Variants in SLC9A8 observed in about 807,000 individuals in gnomAD.
SLC9A8 encodes solute carrier family 9 member A8.
A neutral mutation model predicts 66.6 loss-of-function variants in SLC9A8; 48 were observed. That is an observed-to-expected ratio of 0.72 (90% CI 0.57 to 0.92). The LOEUF (loss-of-function observed/expected upper bound fraction) is 0.92, where lower values mean the gene tolerates loss of function less well. Ranked by LOEUF, SLC9A8 falls within the 40% of genes least tolerant of loss-of-function variation. The pLI, the probability that SLC9A8 is intolerant of heterozygous loss-of-function variation, is 0.00. For missense variants in SLC9A8, 599 were observed against 747.3 expected (o/e 0.80, Z 2.31); for synonymous variants, 274 against 282.6 (o/e 0.97, Z 0.31).
chr20:49,883,616 G>T (rs76003792), intron 13 of SLC9A8, among the ~76,000 whole-genome samples: 1,612 of 152,332 alleles, frequency 0.011, 74 homozygotes, highest in East Asian at 0.076. Flanking sequence ...AGCTGGGGCA[G>T]GCCATCTCAT....
intron 5 of SLC9A8, 80 bp downstream of exon 5, chr20:49,845,199 A>G (rs1429643229): frequency 9.7e-7 from 1 of 1,027,432 alleles, no homozygotes; most frequent in Non-Finnish European, 1.5e-6. Flanking sequence ...AAGCTTGGGT[A>G]TAATTTAGCA....
chr20:49,814,133 G>C (rs962348489), intron 1 of SLC9A8, among the ~76,000 whole-genome samples: 1 of 152,128 alleles, frequency 6.6e-6, no homozygotes, highest in East Asian at 1.9e-4. Context: ...CTCCATCCCA[G>C]ACACTAAACA....
intron 12 of SLC9A8, among the ~76,000 whole-genome samples, 182 bp downstream of exon 12, chr20:49,878,245 G>A (rs991740629): frequency 6.6e-6 from 1 of 151,794 alleles, no homozygotes; most frequent in Non-Finnish European, 1.5e-5. Flanking sequence ...GGGGGCAGGG[G>A]TAGAATTAAG....
In SLC9A8 at chr20:49,823,019, G is replaced by A. The variant is rs771132571; in HGVS notation, c.209-42G>A. 5.3e-6 allele frequency: 8 copies of A among 1,495,668 alleles called. No homozygotes were observed. In the South Asian group the frequency reaches 6.8e-5, roughly 13 times the overall value. The allele number at this position is 1,495,668 out of a possible 1,614,324, so 92.6% of individuals were successfully genotyped here. On this transcript the variant is annotated intron_variant, in intron 2 of 15. Transcript: ENST00000361573. ...AACTTGGTGTTTATCATTCAGAATTGAGTGTTTTTTTTAAAACATTGTATT... is the reference window on the plus strand; with the variant it reads ...AACTTGGTGTTTATCATTCAGAATTAAGTGTTTTTTTTAAAACATTGTATT...
rs968309267 is a variant in SLC9A8 at position 49,837,832 on chromosome 20, G to C, written c.290-1709G>C. On this transcript the variant is annotated intron_variant, in intron 3 of 15. Coordinates refer to ENST00000361573, the MANE Select transcript of SLC9A8 (RefSeq NM_015266.3). ...CATCTGCCCGCTTCAGCCTCCTAAC[G>C]TGCTGGGATTACAGGCATGAGCCAC... 2.0e-5 allele frequency among the ~76,000 whole-genome samples: 3 copies of C among 152,212 alleles called. No individual in the cohort carries two copies. In the East Asian group the frequency reaches 5.8e-4, roughly 29 times the overall value.
intron 3 of SLC9A8, among the ~76,000 whole-genome samples, chr20:49,834,356 A>ATATATATACTGTG (rs1350782103): frequency 1.5e-5 from 1 of 66,600 alleles, no homozygotes; most frequent in Non-Finnish European, 3.4e-5. Context: ...TACTGTATAT[A>ATATATATACTGTG]TATATATACT....
intron 8 of SLC9A8, among the ~76,000 whole-genome samples, chr20:49,856,753 C>G (rs1364828343): frequency 7.1e-6 from 1 of 141,838 alleles, no homozygotes. Flanking sequence ...ACCTGGGAGG[C>G]GGAGGTTGCA....
At position 49,834,889 on chromosome 20, in the gene SLC9A8, A is replaced by T. The variant is rs373285718; in HGVS notation, c.290-4652A>T. On this transcript the variant is annotated intron_variant, in intron 3 of 15. Coordinates refer to ENST00000361573, the MANE Select transcript of SLC9A8 (RefSeq NM_015266.3). The stretch of plus-strand genomic sequence containing the variant: ...GAAAAACACTAAGCTTTAAAAATGA[A>T]GCCTGAAACCATGGAAAGAGGTTTA... Among the ~76,000 whole-genome samples, 39 of 152,354 alleles carry T rather than the reference A, an allele frequency of 2.6e-4. 2 individuals are homozygous for T. In the South Asian group the frequency reaches 7.9e-3, roughly 31 times the overall value.
At chr20:49,872,914 AT>A (rs1007136476) in intron 10 of SLC9A8, among the ~76,000 whole-genome samples, 1 of 152,134 alleles carries the variant, frequency 6.6e-6, no homozygotes, top group African/African-American at 2.4e-5. Context: ...TTATTTGATG[AT>A]TTTTTAAGAC....
At chr20:49,837,846 G>A (rs2087600631) in intron 3 of SLC9A8, among the ~76,000 whole-genome samples, 2 of 152,134 alleles carry the variant, frequency 1.3e-5, no homozygotes, top group South Asian at 4.1e-4. Context: ...TGGGATTACA[G>A]GCATGAGCCA....
chr20:49,815,131 G>C lies in SLC9A8; in HGVS notation c.150G>C (p.Gln50His). ...KPILPVQTGE[Q>H]AQQEEQSSGM... Reference sequence around the variant, plus strand: ...TCCTCCCCGTGCAGACAGGGGAGCAGGCCCAGCAAGAGGAGCAGTCCAGCG... The same window carrying C: ...TCCTCCCCGTGCAGACAGGGGAGCACGCCCAGCAAGAGGAGCAGTCCAGCG... Residue 50 changes from glutamine to histidine, a missense_variant, in exon 2 of 16, where the codon CAG becomes CAC. Coordinates refer to ENST00000361573, the MANE Select transcript of SLC9A8 (RefSeq NM_015266.3). The C allele has an allele frequency of 1.2e-6, 2 of 1,606,946 alleles. No homozygotes were observed. Among genetic ancestry groups the C allele is most frequent in the Non-Finnish European group, 1.7e-6 (2 of 1,176,884 alleles).
At chr20:49,818,193 A>G (rs2086623439) in intron 2 of SLC9A8, among the ~76,000 whole-genome samples, 1 of 152,204 alleles carries the variant, frequency 6.6e-6, no homozygotes, top group East Asian at 1.9e-4. Flanking sequence ...AATCCTGCCC[A>G]GTGTTAATAC....
Position 49,886,898 on chromosome 20 carries a change from G to C in SLC9A8, c.1638G>C (p.Glu546Asp), listed in dbSNP as rs377040159. The change falls in exon 15 of 16, where the codon GAG (glutamate) becomes GAC (aspartate). Residue 546 changes from glutamate (E) to aspartate (D), a missense_variant and splice_region_variant. This residue lies in a region of SLC9A8 where 467 missense variants were observed against 626.5 expected (regional missense o/e 0.75). Coordinates refer to ENST00000361573, the MANE Select transcript of SLC9A8 (RefSeq NM_015266.3). The surrounding 1 kb of genome is among the most constrained non-coding windows in gnomAD (Gnocchi z 4.8). Reference sequence around the variant, plus strand: ...TCTTCACTCGGAGGCTGACGCAGGAGGTGGGATACCGGCCAGGCCACACTT... The same window carrying C: ...TCTTCACTCGGAGGCTGACGCAGGACGTGGGATACCGGCCAGGCCACACTT... The part of the protein sequence containing the change: ...NPFFTRRLTQ[E>D]DLHHGRIQMK... 6.2e-7 allele frequency: 1 copy of C among 1,613,460 alleles called. No individual in the cohort carries two copies. Among genetic ancestry groups the C allele is most frequent in the East Asian group, 2.2e-5 (1 of 44,856 alleles).
intron 4 of SLC9A8, among the ~76,000 whole-genome samples, chr20:49,843,154 CTATA>C (rs964293149): frequency 6.6e-6 from 1 of 152,014 alleles, no homozygotes; most frequent in African/African-American, 2.4e-5. Flanking sequence ...TTGGGGGACA[CTATA>C]TAACCCCACT....
At chr20:49,852,338 A>G (rs1471604160) in intron 7 of SLC9A8, among the ~76,000 whole-genome samples, 3 of 152,164 alleles carry the variant, frequency 2.0e-5, no homozygotes, top group East Asian at 1.9e-4. Context: ...CTAGATTTTT[A>G]TAGGGAATTT....
At chr20:49,819,170 A>G (rs2086652166) in intron 2 of SLC9A8, among the ~76,000 whole-genome samples, 1 of 152,256 alleles carries the variant, frequency 6.6e-6, no homozygotes, top group Non-Finnish European at 1.5e-5. Flanking sequence ...TAGATTAACA[A>G]TTAACATTAT....
chr20:49,813,012 C>T (rs565857171), intron 1 of SLC9A8, 64 bp downstream of exon 1: 3 of 1,306,600 alleles, frequency 2.3e-6, no homozygotes, highest in East Asian at 3.1e-5. Context: ...TGACAGCGAG[C>T]GCCTCAGGCC....
intron 2 of SLC9A8, 53 bp downstream of exon 2, chr20:49,815,242 C>G: frequency 5.6e-6 from 8 of 1,428,010 alleles, no homozygotes; most frequent in African/African-American, 1.4e-5. Context: ...TCTGTGTGCT[C>G]GGTCTGTGTG....
At chr20:49,841,801 G>C (rs897244537) in intron 4 of SLC9A8, among the ~76,000 whole-genome samples, 4 of 151,828 alleles carry the variant, frequency 2.6e-5, no homozygotes, top group African/African-American at 9.7e-5. Flanking sequence ...CACCATGTTA[G>C]CCAGGCTGGT....
Sources: allele counts gnomAD v4.1 joint callset (sites outside exome capture counted in the v4.1 genomes callset), GRCh38; gene constraint gnomAD v4.1.1; regional missense constraint gnomAD v4.1.1; non-coding constraint Gnocchi (gnomAD v3.1); transcripts MANE v1.5; gene names NCBI Gene and HGNC (gene_info 2026-07-23, HGNC 2026-07-21).